The following CASK variants were observed in gnomAD, a reference collection of about 807,000 sequenced individuals.
CASK encodes peripheral plasma membrane protein CASK.
Under a neutral mutation model 82.9 loss-of-function variants are expected in CASK, and 4 were observed. The observed-to-expected ratio is 0.05, with a 90% CI of 0.02 to 0.11. CASK has a LOEUF of 0.11. Ranked by LOEUF, CASK falls within the 10% of genes least tolerant of loss-of-function variation. CASK has a pLI of 1.00. For synonymous variants in CASK, 259 were observed against 253.5 expected (o/e 1.02, Z -0.20); for missense variants, 358 against 720.9 (o/e 0.50, Z 5.76).
intron 16 of CASK, among the ~76,000 whole-genome samples, chrX:41,564,502 G>A: frequency 9.0e-6 from 1 of 111,666 alleles, no homozygotes; most frequent in Non-Finnish European, 1.9e-5. Flanking sequence ...TGGGACTATA[G>A]GTGAGCGCCA....
intron 5 of CASK, among the ~76,000 whole-genome samples, chrX:41,688,079 C>T (rs1365300411): frequency 1.8e-5 from 2 of 109,943 alleles, no homozygotes; most frequent in African/African-American, 6.6e-5. Flanking sequence ...ACAGCAACCA[C>T]CTTCCTTCTC....
intron 11 of CASK, among the ~76,000 whole-genome samples, chrX:41,616,369 G>A (rs1181327028): frequency 9.0e-6 from 1 of 111,450 alleles, no homozygotes; most frequent in African/African-American, 3.3e-5. Flanking sequence ...CTTCTAGATA[G>A]GGAACTGAGC....
chrX:41,526,199 G>C (rs1464271797), intron 25 of CASK, among the ~76,000 whole-genome samples: 1 of 110,886 alleles, frequency 9.0e-6, no homozygotes, highest in Non-Finnish European at 1.9e-5. Context: ...GTGAATACAG[G>C]GTCAGCTGAG....
intron 24 of CASK, 41 bp downstream of exon 24, chrX:41,534,665 A>T: frequency 9.9e-7 from 1 of 1,010,917 alleles, no homozygotes; most frequent in Non-Finnish European, 1.4e-6. Context: ...TAAAAAAGTG[A>T]TAGGAAAAAT....
At chrX:41,641,811 T>C (rs1264845826) in intron 8 of CASK, among the ~76,000 whole-genome samples, 2 of 110,935 alleles carry the variant, frequency 1.8e-5, no homozygotes, top group African/African-American at 6.6e-5. Context: ...TTGTTACTTA[T>C]AGTATACATG....
At chrX:41,793,552 C>G (rs2069780084) in intron 2 of CASK, among the ~76,000 whole-genome samples, 1 of 111,726 alleles carries the variant, frequency 9.0e-6, no homozygotes, top group African/African-American at 3.3e-5. Context: ...AACAAATATA[C>G]AAGTATTCTC....
At chrX:41,625,508 G>A (rs1275257376) in intron 10 of CASK, among the ~76,000 whole-genome samples, 1 of 110,160 alleles carries the variant, frequency 9.1e-6, no homozygotes, top group Non-Finnish European at 1.9e-5. Flanking sequence ...ATTTTTAAGA[G>A]GCGAGGTCTC....
At chrX:41,565,016 A>G in intron 16 of CASK, among the ~76,000 whole-genome samples, 1 of 112,199 alleles carries the variant, frequency 8.9e-6, no homozygotes, top group Non-Finnish European at 1.9e-5. Context: ...GGCTGAAATA[A>G]AGATGTTCTT....
chrX:41,852,681 C>A (rs1292406562), intron 2 of CASK, among the ~76,000 whole-genome samples: 1 of 110,973 alleles, frequency 9.0e-6, no homozygotes, highest in African/African-American at 3.3e-5. Flanking sequence ...AGATATGAAT[C>A]TTTTGATTCC....
intron 1 of CASK, among the ~76,000 whole-genome samples, chrX:41,872,645 T>C (rs1201691844): frequency 8.9e-6 from 1 of 112,084 alleles, no homozygotes; most frequent in Non-Finnish European, 1.9e-5. Context: ...ACTAACATCT[T>C]CCATTAGAAT....
At chrX:41,626,572 C>T (rs2066379827) in intron 10 of CASK, 32 bp downstream of exon 10, 6 of 913,876 alleles carry the variant, frequency 6.6e-6, no homozygotes, top group Non-Finnish European at 8.0e-6. Flanking sequence ...CCAAATGACC[C>T]ACACAGGTGA....
At chrX:41,775,306 C>A (rs371133802) in intron 3 of CASK, among the ~76,000 whole-genome samples, 67 of 111,445 alleles carry the variant, frequency 6.0e-4, no homozygotes, top group African/African-American at 1.7e-3. Context: ...ACTGGCCATC[C>A]GAGAAATGCA....
At chrX:41,549,274 GC>G (rs1371325935) in intron 21 of CASK, among the ~76,000 whole-genome samples, 2 of 111,288 alleles carry the variant, frequency 1.8e-5, no homozygotes, top group African/African-American at 6.5e-5. Context: ...CATCCCAGAG[GC>G]CAATTCAGTT....
intron 9 of CASK, among the ~76,000 whole-genome samples, chrX:41,630,598 T>G (rs965493274): frequency 8.9e-6 from 1 of 111,805 alleles, no homozygotes; most frequent in African/African-American, 3.2e-5. Context: ...ATACAAAATA[T>G]ACAAGTATCA....
chrX:41,715,784 C>T (rs771093877), intron 5 of CASK, among the ~76,000 whole-genome samples: 8 of 112,030 alleles, frequency 7.1e-5, no homozygotes, highest in African/African-American at 2.6e-4. Flanking sequence ...GTTTCTTTTG[C>T]ACCATCTTAG....
chrX:41,520,352 G>T lies in CASK; in HGVS notation c.*68C>A. Reference sequence around the variant, plus strand: ...AGGGACCATGACCTGCTGACACAAGGCCGATAACAAAGAGGCTTTTCCACA... The same window carrying T: ...AGGGACCATGACCTGCTGACACAAGTCCGATAACAAAGAGGCTTTTCCACA... On this transcript the variant is annotated 3_prime_UTR_variant, in exon 27 of 27. Transcript: ENST00000378163. The T allele has an allele frequency of 1.1e-6, 1 of 884,495 alleles. No individual in the cohort carries two copies. 72.9% of individuals were successfully genotyped at this position (884,495 alleles called of 1,213,427 possible).
At chrX:41,897,131 C>A (rs1013595815) in intron 1 of CASK, among the ~76,000 whole-genome samples, 8 of 111,762 alleles carry the variant, frequency 7.2e-5, no homozygotes, top group Admixed American at 5.7e-4. Context: ...CTAGGACAGA[C>A]TTCCCATATT....
intron 5 of CASK, among the ~76,000 whole-genome samples, chrX:41,695,268 T>G (rs2067660326): frequency 1.8e-5 from 2 of 110,661 alleles, no homozygotes; most frequent in African/African-American, 6.6e-5. Flanking sequence ...AAGTAAAGTT[T>G]CTCGCAATGT....
chrX:41,784,355 G>A (rs1289911510), intron 3 of CASK, among the ~76,000 whole-genome samples: 2 of 112,383 alleles, frequency 1.8e-5, no homozygotes, highest in Non-Finnish European at 3.8e-5. Flanking sequence ...TTCATGGTAA[G>A]CTGTTTAAGA....
Sources: allele counts gnomAD v4.1 joint callset (sites outside exome capture counted in the v4.1 genomes callset), GRCh38; gene constraint gnomAD v4.1.1; transcripts MANE v1.5; gene names NCBI Gene and HGNC (gene_info 2026-07-23, HGNC 2026-07-21).